Variants in SMAP1 observed in about 807,000 individuals in gnomAD.
SMAP1 encodes stromal membrane-associated protein 1.
A neutral mutation model predicts 58.5 loss-of-function variants in SMAP1; 24 were observed. That is an observed-to-expected ratio of 0.41 (90% CI 0.30 to 0.58). The LOEUF (loss-of-function observed/expected upper bound fraction) is 0.58, where lower values mean the gene tolerates loss of function less well. Ranked by LOEUF, SMAP1 falls within the 20% of genes least tolerant of loss-of-function variation. The pLI is 0.29. For synonymous variants in SMAP1, 216 were observed against 196.6 expected (o/e 1.10, Z -0.82); for missense variants, 563 against 566.3 (o/e 0.99, Z 0.06).
chr6:70,785,837 G>A (rs1767997203), intron 4 of SMAP1, among the ~76,000 whole-genome samples: 1 of 152,162 alleles, frequency 6.6e-6, no homozygotes, highest in African/African-American at 2.4e-5. Flanking sequence ...AAGAGTTCAG[G>A]ACCAGATGGA....
chr6:70,708,795 C>T (rs529067676), intron 1 of SMAP1, among the ~76,000 whole-genome samples: 10 of 152,078 alleles, frequency 6.6e-5, no homozygotes, highest in South Asian at 6.2e-4. Context: ...GTCCTTTGCC[C>T]GTTTTTAAGT....
intron 6 of SMAP1, among the ~76,000 whole-genome samples, chr6:70,819,214 A>AT (rs530675700): frequency 0.03 from 4,443 of 149,422 alleles, 66 homozygotes; most frequent in Non-Finnish European, 0.038. Context: ...TTTTCTTGCA[A>AT]TTTTTTTTTT....
At chr6:70,734,228 G>GT (rs1371413003) in intron 2 of SMAP1, among the ~76,000 whole-genome samples, 1 of 151,698 alleles carries the variant, frequency 6.6e-6, no homozygotes. Context: ...TCACTGCAGC[G>GT]TTTGTCTCCT....
intron 10 of SMAP1, 175 bp downstream of exon 10, chr6:70,858,404 T>G (rs767567406): frequency 5.2e-5 from 29 of 558,768 alleles, no homozygotes; most frequent in Non-Finnish European, 6.8e-5. Flanking sequence ...TTGTATCAGA[T>G]AGACAAATGA....
At chr6:70,734,133 C>A (rs576627491) in intron 2 of SMAP1, among the ~76,000 whole-genome samples, 22 of 136,754 alleles carry the variant, frequency 1.6e-4, no homozygotes, top group African/African-American at 6.1e-4. Context: ...GGCCCCCCTC[C>A]CCTGCTCTTC....
At chr6:70,811,127 C>G (rs1346070752) in intron 6 of SMAP1, among the ~76,000 whole-genome samples, 1 of 152,144 alleles carries the variant, frequency 6.6e-6, no homozygotes, top group African/African-American at 2.4e-5. Flanking sequence ...AGAACCTATA[C>G]TTGATTACAA....
chr6:70,692,689 G>A (rs1324077393), intron 1 of SMAP1, among the ~76,000 whole-genome samples: 1 of 152,118 alleles, frequency 6.6e-6, no homozygotes, highest in East Asian at 1.9e-4. Flanking sequence ...TTTACCCAAT[G>A]TATGTTCTGG....
rs181705370 is a variant in SMAP1 at position 70,758,680 on chromosome 6, G to A, written c.338+3615G>A. 3.3e-5 allele frequency among the ~76,000 whole-genome samples: 5 copies of A among 152,078 alleles called. No homozygotes were observed. The East Asian group carries it at 7.7e-4, about 24-fold the overall frequency. On this transcript the variant is annotated intron_variant, in intron 3 of 10. Transcript: ENST00000370455. The stretch of plus-strand genomic sequence containing the variant: ...GAAATACTTATACAGCCCAAAATTA[G>A]CAATGACAATCTAAGTTAGATAGTG...
intron 1 of SMAP1, among the ~76,000 whole-genome samples, chr6:70,675,198 GTT>G (rs67744035): frequency 0.055 from 5,939 of 108,832 alleles, 254 homozygotes; most frequent in African/African-American, 0.16. Context: ...ATTATATAGT[GTT>G]TTTTTTTTTT....
intron 3 of SMAP1, among the ~76,000 whole-genome samples, chr6:70,763,786 C>T (rs1766852150): frequency 1.3e-5 from 2 of 152,230 alleles, no homozygotes; most frequent in Non-Finnish European, 2.9e-5. Flanking sequence ...CCAGCCACAA[C>T]ATTTCCTTAA....
intron 1 of SMAP1, among the ~76,000 whole-genome samples, chr6:70,679,650 T>A (rs1766621492): frequency 6.6e-6 from 1 of 152,170 alleles, no homozygotes. Flanking sequence ...AACTGTGGGA[T>A]AAATTTAACA....
At chr6:70,695,484 A>G (rs1414933552) in intron 1 of SMAP1, among the ~76,000 whole-genome samples, 2 of 151,938 alleles carry the variant, frequency 1.3e-5, no homozygotes, top group Non-Finnish European at 2.9e-5. Context: ...TTGGGTTTCT[A>G]TCATAAAGGG....
At chr6:70,830,593 A>G (rs1770318557) in intron 6 of SMAP1, among the ~76,000 whole-genome samples, 1 of 152,228 alleles carries the variant, frequency 6.6e-6, no homozygotes, top group Non-Finnish European at 1.5e-5. Context: ...TTTAAGGTTT[A>G]CAACCTTTAT....
At chr6:70,828,034 G>A (rs1770207332) in intron 6 of SMAP1, among the ~76,000 whole-genome samples, 1 of 152,098 alleles carries the variant, frequency 6.6e-6, no homozygotes, top group Admixed American at 6.6e-5. Context: ...AGAATTATAT[G>A]CAAAATTTTT....
chr6:70,792,855 C>T (rs1341979336), intron 5 of SMAP1, among the ~76,000 whole-genome samples: 1 of 151,806 alleles, frequency 6.6e-6, no homozygotes, highest in Non-Finnish European at 1.5e-5. Context: ...GTGGGTGTGA[C>T]AGAATCAGAT....
intron 1 of SMAP1, among the ~76,000 whole-genome samples, chr6:70,672,368 A>G (rs1766304815): frequency 6.6e-6 from 1 of 152,048 alleles, no homozygotes; most frequent in African/African-American, 2.4e-5. Flanking sequence ...CTTTCTAACA[A>G]GTTTTTGCCT....
chr6:70,783,004 C>A (rs995043828), intron 4 of SMAP1, among the ~76,000 whole-genome samples: 1 of 152,190 alleles, frequency 6.6e-6, no homozygotes, highest in South Asian at 2.1e-4. Context: ...GGGTCCCTGA[C>A]CCTCGAGCAG....
Position 70,706,202 on chromosome 6 carries a change from A to AT in SMAP1, c.119-26169dup, listed in dbSNP as rs201562916. Among the ~76,000 whole-genome samples the AT allele has an allele frequency of 8.2e-3, 1,252 of 152,184 alleles. 14 individuals are homozygous for AT. The highest frequency in any genetic ancestry group is 0.029 in the African/African-American group (1,200 of 41,548). On this transcript the variant is annotated intron_variant, in intron 1 of 10. Transcript: ENST00000370455. The stretch of plus-strand genomic sequence containing the variant: ...AACGAAGTTGGTGGATCCTATTTTG[A>AT]TTTTTTTAGAGAAACATTTATTATT...
intron 7 of SMAP1, among the ~76,000 whole-genome samples, chr6:70,840,611 G>T (rs1277070424): frequency 6.6e-6 from 1 of 152,198 alleles, no homozygotes; most frequent in Non-Finnish European, 1.5e-5. Flanking sequence ...TGTAAAAACA[G>T]GCATGGGCTA....
Sources: gnomAD v4.1 joint callset for allele counts (sites outside exome capture counted in the v4.1 genomes callset) on GRCh38, gnomAD v4.1.1 for gene constraint, MANE v1.5 for transcripts, NCBI Gene and HGNC (gene_info 2026-07-23, HGNC 2026-07-21) for gene names.